STAB2: variants seen among roughly 807,000 people sequenced by gnomAD.
The protein encoded by STAB2 is stabilin-2.
A neutral mutation model predicts 338.1 loss-of-function variants in STAB2; 288 were observed. The ratio of observed to expected loss-of-function variants is 0.85; its 90% CI spans 0.77 to 0.94. The LOEUF (loss-of-function observed/expected upper bound fraction) is 0.94. Among genes scored for constraint, STAB2 ranks in the 40% least tolerant of loss-of-function variants. STAB2 has a pLI of 0.00. For synonymous variants in STAB2, 1,202 were observed against 1,193.3 expected, an observed-to-expected ratio of 1.01 and a Z score of -0.15; for missense variants, 3,141 against 3,210.1, an observed-to-expected ratio of 0.98 and a Z score of 0.52.
At chr12:103,723,860 A>G (rs776710129) in intron 44 of STAB2, among the ~76,000 whole-genome samples, 29 of 152,132 alleles carry the variant, frequency 1.9e-4, no homozygotes, top group Non-Finnish European at 1.0e-4. Flanking sequence ...CTGTGGACCA[A>G]AGGAGGTTGG....
chr12:103,665,490 C>G (rs1172470208), intron 18 of STAB2, among the ~76,000 whole-genome samples: 1 of 152,096 alleles, frequency 6.6e-6, no homozygotes, highest in Non-Finnish European at 1.5e-5. Context: ...ACCACTGCAA[C>G]TAGGGACCAA....
chr12:103,746,864 A>G (rs1377969248), intron 58 of STAB2, among the ~76,000 whole-genome samples, 160 bp downstream of exon 58: 1 of 151,656 alleles, frequency 6.6e-6, no homozygotes, highest in Admixed American at 6.6e-5. Flanking sequence ...GGGTGTGCTC[A>G]TGCTTGATCT....
At chr12:103,696,552 A>C (rs1040575073) in intron 33 of STAB2, among the ~76,000 whole-genome samples, 1 of 152,244 alleles carries the variant, frequency 6.6e-6, no homozygotes, top group Non-Finnish European at 1.5e-5. Flanking sequence ...AACAGGATCC[A>C]CAAAAGAGTT....
In STAB2 at chr12:103,742,484, A is replaced by T. The variant is rs1566066494; in HGVS notation, c.5961A>T (p.Lys1987Asn). The T allele has an allele frequency of 2.5e-6, 4 of 1,613,962 alleles. No homozygotes were observed. The highest frequency in any genetic ancestry group is 3.4e-6 in the Non-Finnish European group (4 of 1,180,020). ...AGTACTCGGCCACCGGAGAGTGTAA[A>T]TGCAACACCGGCTTCAATGGGACGG... Reference protein sequence around the residue: ...LDQYSATGECKCNTGFNGTAC... With the variant: ...LDQYSATGECNCNTGFNGTAC... Residue 1987 changes from lysine (K) to asparagine (N), a missense_variant, in exon 56 of 69, where the codon AAA becomes AAT. Lys to Asn is a moderately conservative substitution (Grantham distance 94). Coordinates refer to ENST00000388887, the MANE Select transcript of STAB2 (RefSeq NM_017564.10).
intron 24 of STAB2, 80 bp downstream of exon 24, chr12:103,676,101 G>A (rs987356195): frequency 4.0e-5 from 40 of 1,009,618 alleles, no homozygotes; most frequent in African/African-American, 7.8e-5. Flanking sequence ...TCGCTCTGTC[G>A]CCCAGGCTGG....
At chr12:103,720,608 C>A (rs964874547) in intron 44 of STAB2, among the ~76,000 whole-genome samples, 2 of 152,186 alleles carry the variant, frequency 1.3e-5, no homozygotes, top group Admixed American at 1.3e-4. Context: ...ACAAAATAGT[C>A]CTGGTGCTAA....
At chr12:103,698,998 G>C in intron 33 of STAB2, 98 bp from the exon 34 acceptor site, 1 of 1,430,474 alleles carries the variant, frequency 7.0e-7, no homozygotes, top group Non-Finnish European at 9.3e-7. Context: ...ACAAGCTGTT[G>C]TTCCTCTTTG....
chr12:103,691,178 C>G (rs1010256190), intron 30 of STAB2, among the ~76,000 whole-genome samples: 2 of 152,150 alleles, frequency 1.3e-5, no homozygotes, highest in African/African-American at 2.4e-5. Flanking sequence ...CCCTGCTGCA[C>G]GGGCAGTGTT....
At chr12:103,733,313 C>G (rs149755541) in intron 51 of STAB2, 131 bp downstream of exon 51, 60 of 1,058,572 alleles carry the variant, frequency 5.7e-5, no homozygotes, top group Non-Finnish European at 8.2e-5. Context: ...GCCACAGCAT[C>G]CCCTGCCCCA....
chr12:103,692,747 G>T, intron 30 of STAB2, 65 bp from the exon 31 acceptor site: 1 of 1,371,892 alleles, frequency 7.3e-7, no homozygotes, highest in Non-Finnish European at 1.0e-6. Context: ...AAACCCCAGA[G>T]ATCATCTCAA....
chr12:103,683,211 T>A lies in STAB2; in HGVS notation c.2812T>A (p.Cys938Ser). The change falls in exon 26 of 69, where the codon TGT (cysteine) becomes AGT (serine). Residue 938 changes from cysteine (C) to serine (S), a missense_variant. Transcript: ENST00000388887. The stretch of plus-strand genomic sequence containing the variant: ...TCTGTTCTTAAAATTATAGAATGAG[T>A]GTGAGTGCAAGAAAGGATTTCGAGG... ...CLYVGPGQNE[C>S]ECKKGFRGNG... 6.2e-7 allele frequency: 1 copy of A among 1,611,334 alleles called. No homozygotes were observed. Among genetic ancestry groups the A allele is most frequent in the Non-Finnish European group, 8.5e-7 (1 of 1,179,078 alleles).
In STAB2 at chr12:103,662,855, C is replaced by T. The variant is rs1565993790; in HGVS notation, c.1879C>T (p.Leu627=). 6.2e-7 allele frequency: 1 copy of T among 1,614,058 alleles called. No homozygotes were observed. The highest frequency in any genetic ancestry group is 8.5e-7 in the Non-Finnish European group (1 of 1,180,024). The change falls in exon 18 of 69, where the codon CTG becomes TTG. Residue 627 remains leucine, a synonymous_variant. Transcript: ENST00000388887. ...CATTTTTTCTTTCCAGGGACAGATTCTGGCAAATGATGTGGCAATGGAAGA... is the reference window on the plus strand; with the variant it reads ...CATTTTTTCTTTCCAGGGACAGATTTTGGCAAATGATGTGGCAATGGAAGA... ...QFNTTDNGQI[L]ANDVAMEEIE...
intron 61 of STAB2, 30 bp from the exon 62 acceptor site, chr12:103,755,272 T>G: frequency 6.2e-7 from 1 of 1,607,666 alleles, no homozygotes; most frequent in East Asian, 2.2e-5. Flanking sequence ...AACTTGCAGC[T>G]GACCCATGGC....
chr12:103,744,414 A>G (rs1882833452), intron 56 of STAB2, among the ~76,000 whole-genome samples: 1 of 150,594 alleles, frequency 6.6e-6, no homozygotes, highest in Non-Finnish European at 1.5e-5. Context: ...AGCCTCCCAA[A>G]GCACTGGGAT....
rs1412568588 is a variant in STAB2, at chr12:103,746,604, T to G, written c.6144T>G (p.Pro2048=). ...TGGCCCCTTTCTTTGCAGTTTTGCC[T>G]GCAGTGTGTACGCCTCCTTGTTCTG... is the stretch of plus-strand genomic sequence containing the variant. ...GPSCDTQAVL[P]AVCTPPCSAH... is the part of the protein sequence containing the mutation. Residue 2048 remains proline (P), a synonymous_variant, in exon 58 of 69, where the codon CCT becomes CCG. Coordinates refer to ENST00000388887, the MANE Select transcript of STAB2 (RefSeq NM_017564.10). The G allele has an allele frequency of 6.2e-7, 1 of 1,614,078 alleles. No individual in the cohort carries two copies.
intron 34 of STAB2, among the ~76,000 whole-genome samples, chr12:103,701,559 T>C (rs1196422883): frequency 6.6e-6 from 1 of 152,242 alleles, no homozygotes. Context: ...ATTCTCTGAA[T>C]ATACCTCAGA....
intron 25 of STAB2, among the ~76,000 whole-genome samples, chr12:103,678,174 G>A (rs758104895): frequency 3.3e-5 from 5 of 152,158 alleles, no homozygotes; most frequent in African/African-American, 1.2e-4. Context: ...CAGAACACAC[G>A]GAAGATGGGA....
chr12:103,748,846 C>G, intron 58 of STAB2, 117 bp from the exon 59 acceptor site: 1 of 1,074,774 alleles, frequency 9.3e-7, no homozygotes, highest in Non-Finnish European at 1.3e-6. Flanking sequence ...AGCACGAACA[C>G]GCAGGGGCCC....
chr12:103,640,056 A>G (rs935203875), intron 8 of STAB2, 67 bp from the exon 9 acceptor site: 154 of 1,522,872 alleles, frequency 1.0e-4, no homozygotes, highest in Non-Finnish European at 1.3e-4. Flanking sequence ...AATACAAATT[A>G]AAGAAGAATG....
Sources: allele counts gnomAD v4.1 joint callset (sites outside exome capture counted in the v4.1 genomes callset), GRCh38; gene constraint gnomAD v4.1.1; transcripts MANE v1.5; gene names NCBI Gene and HGNC (gene_info 2026-07-23, HGNC 2026-07-21).